PECR: variants seen among roughly 807,000 people sequenced by gnomAD.
The protein encoded by PECR is 2,4-dienoyl-CoA reductase-related protein.
In PECR, 30 loss-of-function variants were observed where a neutral mutation model predicts 35.3. That is an observed-to-expected ratio of 0.85 (90% CI 0.64 to 1.15). The LOEUF (loss-of-function observed/expected upper bound fraction) is 1.15. Among genes scored for constraint, PECR ranks in the 50% most tolerant of loss-of-function variants. PECR has a pLI of 0.00. For missense variants in PECR, 392 were observed against 370.8 expected, an observed-to-expected ratio of 1.06 and a Z score of -0.47; for synonymous variants, 148 against 138.9, an observed-to-expected ratio of 1.07 and a Z score of -0.46.
intron 1 of PECR, among the ~76,000 whole-genome samples, chr2:216,073,098 A>T (rs1695618473): frequency 6.6e-6 from 1 of 152,252 alleles, no homozygotes; most frequent in South Asian, 2.1e-4. Flanking sequence ...GATTCACCAT[A>T]AGTTCCTTGT....
intron 1 of PECR, among the ~76,000 whole-genome samples, chr2:216,068,224 T>G (rs1238487140): frequency 4.7e-5 from 1 of 21,332 alleles, no homozygotes; most frequent in African/African-American, 2.0e-4. Flanking sequence ...AGACTCCATA[T>G]CAAAAAAAAA....
At chr2:216,031,011 T>C (rs574294989) in intron 7 of PECR, among the ~76,000 whole-genome samples, 1 of 151,778 alleles carries the variant, frequency 6.6e-6, no homozygotes, top group East Asian at 1.9e-4. Context: ...CCCTGCTCTC[T>C]CTCTCTCATT....
intron 1 of PECR, among the ~76,000 whole-genome samples, chr2:216,069,745 G>C (rs962258274): frequency 3.3e-5 from 5 of 152,036 alleles, no homozygotes; most frequent in African/African-American, 1.2e-4. Context: ...AGACCAGCTT[G>C]ACCAACATGG....
chr2:216,031,449 AAG>A (rs1694692508), intron 7 of PECR, among the ~76,000 whole-genome samples: 4 of 144,174 alleles, frequency 2.8e-5, no homozygotes, highest in African/African-American at 1.0e-4. Flanking sequence ...AAGAAAAAGA[AAG>A]AAAGAGAGAA....
At chr2:216,034,757 C>G (rs1694767119), downstream of PECR, among the ~76,000 whole-genome samples, 1 of 152,086 alleles carries the variant, frequency 6.6e-6, no homozygotes, top group African/African-American at 2.4e-5. Context: ...AGTGGGCGCT[C>G]CAGGGGAGTG....
At chr2:216,032,162 A>G (rs547680095) in intron 7 of PECR, among the ~76,000 whole-genome samples, 3 of 152,358 alleles carry the variant, frequency 2.0e-5, no homozygotes, top group South Asian at 4.1e-4. Flanking sequence ...TTGCTATTTA[A>G]GTCCATGATA....
At chr2:216,039,676 C>T (rs10498052) in intron 7 of PECR, among the ~76,000 whole-genome samples, 11,438 of 152,200 alleles carry the variant, frequency 0.075, 605 homozygotes, top group South Asian at 0.22. Flanking sequence ...TACTGTGGAT[C>T]GTCAATAAAT....
intron 3 of PECR, among the ~76,000 whole-genome samples, chr2:216,062,101 G>C (rs1406087839): frequency 6.7e-6 from 1 of 148,840 alleles, no homozygotes; most frequent in African/African-American, 2.5e-5. Context: ...CACCCAGCCT[G>C]GAGGCGCCAT....
chr2:216,035,488 CTT>C (rs535525763), downstream of PECR, among the ~76,000 whole-genome samples: 19 of 127,786 alleles, frequency 1.5e-4, no homozygotes, highest in African/African-American at 2.7e-4. Context: ...GAGGGCTCTT[CTT>C]TTTTTTTTTT....
intron 6 of PECR, among the ~76,000 whole-genome samples, chr2:216,046,308 A>ATT (rs1413493863): frequency 1.5e-3 from 166 of 112,060 alleles, no homozygotes; most frequent in South Asian, 4.9e-3. Context: ...ATATATATAT[A>ATT]TATTTTTTTT....
At chr2:216,043,334 T>C (rs906335830) in intron 7 of PECR, among the ~76,000 whole-genome samples, 14 of 152,066 alleles carry the variant, frequency 9.2e-5, no homozygotes, top group African/African-American at 3.1e-4. Flanking sequence ...GGTCTCTATC[T>C]CCTGACCTCA....
At chr2:216,038,273 C>T (rs977050753), downstream of PECR, 42 of 152,100 alleles carry the variant, frequency 2.8e-4, no homozygotes, top group African/African-American at 9.7e-4. Flanking sequence ...GAATATGGAA[C>T]CCTAATACAT....
At chr2:216,060,209 AAGG>A (rs1179916765) in intron 3 of PECR, among the ~76,000 whole-genome samples, 1 of 152,242 alleles carries the variant, frequency 6.6e-6, no homozygotes, top group Non-Finnish European at 1.5e-5. Context: ...TAGCACAAGA[AAGG>A]AGAATAACCA....
intron 7 of PECR, among the ~76,000 whole-genome samples, chr2:216,043,115 A>ATTTT (rs200393350): frequency 2.2e-5 from 3 of 134,480 alleles, no homozygotes; most frequent in South Asian, 2.2e-4. Context: ...ATATATATAT[A>ATTTT]TTTTTTTTTG....
intron 4 of PECR, among the ~76,000 whole-genome samples, chr2:216,054,494 C>T (rs1695186719): frequency 6.6e-6 from 1 of 150,570 alleles, no homozygotes; most frequent in South Asian, 2.1e-4. Flanking sequence ...TGACACCACA[C>T]CTAGCTAAAT....
chr2:216,068,315 G>A, intron 1 of PECR, among the ~76,000 whole-genome samples: 1 of 148,044 alleles, frequency 6.8e-6, no homozygotes, highest in East Asian at 2.0e-4. Context: ...AATCTTAAAA[G>A]CAGCCAGAGA....
chr2:216,059,558 A>G (rs1463931011), intron 3 of PECR, among the ~76,000 whole-genome samples: 1 of 152,232 alleles, frequency 6.6e-6, no homozygotes, highest in Non-Finnish European at 1.5e-5. Flanking sequence ...GTGTGGTCAT[A>G]TGTTAACTCT....
intron 3 of PECR, among the ~76,000 whole-genome samples, chr2:216,059,794 C>G (rs185764814): frequency 6.6e-6 from 1 of 152,142 alleles, no homozygotes; most frequent in Non-Finnish European, 1.5e-5. Flanking sequence ...ATGTCAGTAC[C>G]ACACTGTCTT....
At chr2:216,041,115 G>A (rs568257592) in intron 7 of PECR, among the ~76,000 whole-genome samples, 2 of 152,228 alleles carry the variant, frequency 1.3e-5, no homozygotes, top group East Asian at 3.9e-4. Flanking sequence ...TATTCGGGGG[G>A]CAGTATATTC....
Sources: allele counts gnomAD v4.1 joint callset (sites outside exome capture counted in the v4.1 genomes callset), GRCh38; gene constraint gnomAD v4.1.1; transcripts MANE v1.5; gene names NCBI Gene and HGNC (gene_info 2026-07-23, HGNC 2026-07-21).